FNDC3A: variants seen among roughly 807,000 people sequenced by gnomAD.
FNDC3A encodes fibronectin type III domain containing 3A.
Under a neutral mutation model 148.9 loss-of-function variants are expected in FNDC3A, and 32 were observed. The observed-to-expected ratio is 0.21, with a 90% CI of 0.16 to 0.29. The LOEUF (loss-of-function observed/expected upper bound fraction) is 0.29, where lower values mean the gene tolerates loss of function less well. Ranked by LOEUF, FNDC3A falls within the 10% of genes least tolerant of loss-of-function variation. The probability of loss-of-function intolerance (pLI) is 1.00; values close to 1 mark genes in which losing one functional copy is unlikely to be tolerated. For missense variants in FNDC3A, 1,191 were observed against 1,452.8 expected (o/e 0.82, Z 2.93); for synonymous variants, 472 against 473.6 (o/e 1.00, Z 0.04).
At chr13:49,002,022 C>T (rs1287725721) in intron 1 of FNDC3A, among the ~76,000 whole-genome samples, 1 of 152,166 alleles carries the variant, frequency 6.6e-6, no homozygotes, top group Non-Finnish European at 1.5e-5. Context: ...CATGTCTCCC[C>T]CAGACACCCA....
chr13:49,001,926 C>T (rs1952132801), intron 1 of FNDC3A, among the ~76,000 whole-genome samples: 1 of 152,112 alleles, frequency 6.6e-6, no homozygotes, highest in African/African-American at 2.4e-5. Flanking sequence ...GACCCACACC[C>T]TATTTGTACG....
At chr13:49,028,817 A>C (rs191601272) in intron 2 of FNDC3A, among the ~76,000 whole-genome samples, 7 of 152,360 alleles carry the variant, frequency 4.6e-5, no homozygotes, top group African/African-American at 1.4e-4. Context: ...GTAGAATATT[A>C]ACAGGGAAAT....
chr13:49,011,384 C>T (rs1310863602), intron 2 of FNDC3A, among the ~76,000 whole-genome samples: 2 of 152,120 alleles, frequency 1.3e-5, no homozygotes, highest in African/African-American at 4.8e-5. Flanking sequence ...CAGGCGTGCA[C>T]CACCACACCA....
chr13:48,997,002 G>A (rs1566180497), intron 1 of FNDC3A, among the ~76,000 whole-genome samples: 1 of 151,854 alleles, frequency 6.6e-6, no homozygotes, highest in Non-Finnish European at 1.5e-5. Flanking sequence ...GGCAGAGGCT[G>A]CAGCGGGCGG....
intron 3 of FNDC3A, among the ~76,000 whole-genome samples, chr13:49,099,795 G>A (rs570495848): frequency 1.3e-5 from 2 of 151,926 alleles, no homozygotes; most frequent in Non-Finnish European, 2.9e-5. Context: ...TACACATCTC[G>A]ATAAGAAACA....
intron 7 of FNDC3A, among the ~76,000 whole-genome samples, chr13:49,144,618 AT>A (rs986623011): frequency 2.0e-5 from 3 of 152,124 alleles, no homozygotes; most frequent in Admixed American, 6.5e-5. Flanking sequence ...TAATCTCTAG[AT>A]TTTTTTCGCT....
At chr13:48,999,847 T>G (rs867702805) in intron 1 of FNDC3A, among the ~76,000 whole-genome samples, 7 of 152,228 alleles carry the variant, frequency 4.6e-5, no homozygotes, top group Non-Finnish European at 7.3e-5. Flanking sequence ...GATAGCCATC[T>G]GAAAGCCAGG....
Position 49,145,842 on chromosome 13 carries a change from G to T in FNDC3A, c.884G>T (p.Gly295Val). The T allele has an allele frequency of 1.2e-6, 2 of 1,613,606 alleles. No individual in the cohort carries two copies. Among genetic ancestry groups the T allele is most frequent in the Non-Finnish European group, 1.7e-6 (2 of 1,179,584 alleles). ...TWSPPSSLIN[G>V]ETDESSVPEL... Reference sequence around the variant, plus strand: ...TCACCACCTTCCAGCCTCATTAATGGTGAAACAGATGAAAGTAGTGTACCA... The same window carrying T: ...TCACCACCTTCCAGCCTCATTAATGTTGAAACAGATGAAAGTAGTGTACCA... The change falls in exon 8 of 26, where the codon GGT becomes GTT. Residue 295 changes from glycine (G) to valine (V), a missense_variant. Physicochemically the swap from Gly to Val is moderately radical, Grantham distance 109. Transcript: ENST00000492622.
chr13:48,988,396 A>G (rs899161501), intron 1 of FNDC3A, among the ~76,000 whole-genome samples: 1 of 152,246 alleles, frequency 6.6e-6, no homozygotes, highest in African/African-American at 2.4e-5. Context: ...TGGAATGTTC[A>G]TGAATACACC....
chr13:49,034,808 T>C (rs917774650), intron 2 of FNDC3A, among the ~76,000 whole-genome samples: 8 of 152,036 alleles, frequency 5.3e-5, no homozygotes, highest in Non-Finnish European at 8.8e-5. Context: ...TGCTCAAATA[T>C]AAGCCATGTG....
At chr13:49,105,260 A>G (rs1315090749) in intron 3 of FNDC3A, among the ~76,000 whole-genome samples, 2 of 152,194 alleles carry the variant, frequency 1.3e-5, no homozygotes, top group Admixed American at 6.5e-5. Context: ...ATAAATTAAT[A>G]TACTCGGGAA....
At chr13:49,161,730 C>T (rs1010380385) in intron 8 of FNDC3A, among the ~76,000 whole-genome samples, 2 of 152,206 alleles carry the variant, frequency 1.3e-5, no homozygotes, top group Non-Finnish European at 2.9e-5. Flanking sequence ...GCATGTTTTG[C>T]AGTGGCTGGT....
chr13:48,976,636 C>T (rs1208039773), intron 1 of FNDC3A: 8 of 152,462 alleles, frequency 5.2e-5, no homozygotes, highest in Non-Finnish European at 1.2e-4. Flanking sequence ...AGAGGATCGC[C>T]CAGCACCCGC....
rs547338858 is a variant in FNDC3A, at chr13:49,116,034, G to A, written c.252+1303G>A. 1.4e-4 allele frequency among the ~76,000 whole-genome samples: 22 copies of A among 152,206 alleles called. No individual in the cohort carries two copies. The South Asian group carries it at 4.6e-3, about 32-fold the overall frequency. ...AGCATAGTTCAGTTCATGATTTATT[G>A]AGTGGCACCACGTACTGAGCTCTGT... On this transcript the variant is annotated intron_variant, in intron 4 of 25. Coordinates refer to ENST00000492622, the MANE Select transcript of FNDC3A (RefSeq NM_001079673.2).
At chr13:49,123,064 G>A (rs150047827) in intron 4 of FNDC3A, among the ~76,000 whole-genome samples, 1 of 151,956 alleles carries the variant, frequency 6.6e-6, no homozygotes, top group East Asian at 1.9e-4. Flanking sequence ...AAAAGAACAG[G>A]GCTGGAGACA....
chr13:49,138,695 G>A (rs939579636), intron 6 of FNDC3A, 52 bp from the exon 7 acceptor site: 1 of 834,518 alleles, frequency 1.2e-6, no homozygotes, highest in Non-Finnish European at 1.9e-6. Context: ...GAGAAGAAGG[G>A]ATTGTATCTA....
At chr13:49,112,483 T>A (rs930944680) in intron 3 of FNDC3A, among the ~76,000 whole-genome samples, 1 of 152,250 alleles carries the variant, frequency 6.6e-6, no homozygotes. Flanking sequence ...TAATAGGTAA[T>A]GTTTGCTTAA....
Position 49,175,361 on chromosome 13 carries a change from C to T in FNDC3A, c.1356-6C>T, listed in dbSNP as rs781736306. 1.3e-6 allele frequency: 2 copies of T among 1,548,202 alleles called. No individual in the cohort carries two copies. Among genetic ancestry groups the T allele is most frequent in the South Asian group, 2.5e-5 (2 of 80,660 alleles). ...TCATGCCTTTTAAAACCATTTGTTT[C>T]AACAGTGGTTTTAGTGAAGAAGTCT... On this transcript the variant is annotated splice_polypyrimidine_tract_variant and splice_region_variant and intron_variant, in intron 12 of 25. Transcript: ENST00000492622.
intron 8 of FNDC3A, among the ~76,000 whole-genome samples, chr13:49,158,698 C>A (rs1883887893): frequency 1.3e-5 from 2 of 152,172 alleles, no homozygotes; most frequent in Admixed American, 6.5e-5. Flanking sequence ...TTGCCTATGC[C>A]TATGTCCTGA....
Sources: allele counts gnomAD v4.1 joint callset (sites outside exome capture counted in the v4.1 genomes callset), GRCh38; gene constraint gnomAD v4.1.1; transcripts MANE v1.5; gene names NCBI Gene and HGNC (gene_info 2026-07-23, HGNC 2026-07-21).